CDH12: variants seen among roughly 807,000 people sequenced by gnomAD.
CDH12 encodes cadherin-12.
In CDH12, 41 loss-of-function variants were observed where a neutral mutation model predicts 74.1. The ratio of observed to expected loss-of-function variants is 0.55; its 90% CI spans 0.43 to 0.72. The LOEUF is 0.72. CDH12 is among the 30% of genes least tolerant of loss of function. The probability of loss-of-function intolerance (pLI) is 0.00; values close to 1 mark genes in which losing one functional copy is unlikely to be tolerated. For synonymous variants in CDH12, 399 were observed against 355.0 expected (o/e 1.12, Z -1.39); for missense variants, 945 against 977.2 (o/e 0.97, Z 0.44).
chr5:22,437,217 C>T (rs897962154), intron 2 of CDH12, among the ~76,000 whole-genome samples: 2 of 151,532 alleles, frequency 1.3e-5, no homozygotes, highest in African/African-American at 4.8e-5. Context: ...ACTGTTTTTA[C>T]CTAAATTAAA....
chr5:21,871,594 G>A (rs982602960), intron 6 of CDH12, among the ~76,000 whole-genome samples: 5 of 152,098 alleles, frequency 3.3e-5, no homozygotes, highest in Admixed American at 1.3e-4. Flanking sequence ...TTAGCTGGGC[G>A]TGGTGGCACA....
intron 8 of CDH12, among the ~76,000 whole-genome samples, chr5:21,825,551 C>A (rs62348748): frequency 6.6e-6 from 1 of 151,854 alleles, no homozygotes; most frequent in East Asian, 1.9e-4. Context: ...TAGTTACCCC[C>A]ATCATTTTCT....
chr5:21,874,190 C>T (rs972411637), intron 6 of CDH12, among the ~76,000 whole-genome samples: 5 of 152,090 alleles, frequency 3.3e-5, no homozygotes, highest in Non-Finnish European at 7.4e-5. Context: ...CAAACAACCC[C>T]ATTAAAAAGT....
intron 1 of CDH12, among the ~76,000 whole-genome samples, chr5:22,512,324 G>T (rs548043255): frequency 2.6e-5 from 4 of 152,218 alleles, no homozygotes; most frequent in Admixed American, 6.5e-5. Context: ...CCTGATTCTG[G>T]CATAAAGATA....
intron 6 of CDH12, among the ~76,000 whole-genome samples, chr5:21,885,856 C>T (rs1302214607): frequency 6.6e-6 from 1 of 152,084 alleles, no homozygotes; most frequent in African/African-American, 2.4e-5. Context: ...CACCTTCTTT[C>T]CTTCACTGCT....
intron 2 of CDH12, among the ~76,000 whole-genome samples, chr5:22,473,713 C>T (rs1225700282): frequency 6.6e-6 from 1 of 151,966 alleles, no homozygotes; most frequent in African/African-American, 2.4e-5. Context: ...TTTATCATAG[C>T]CTTTCTAAAT....
chr5:22,519,952 A>G (rs1736977924), intron 1 of CDH12, among the ~76,000 whole-genome samples: 1 of 152,132 alleles, frequency 6.6e-6, no homozygotes, highest in Admixed American at 6.5e-5. Flanking sequence ...GTTCTTATAA[A>G]ATAATAGACT....
At chr5:21,808,059 C>T (rs765357428) in intron 9 of CDH12, among the ~76,000 whole-genome samples, 5 of 152,020 alleles carry the variant, frequency 3.3e-5, no homozygotes, top group Non-Finnish European at 5.9e-5. Flanking sequence ...GGAACTGAAA[C>T]CTGATATTTG....
intron 4 of CDH12, among the ~76,000 whole-genome samples, chr5:22,088,097 T>C (rs1743185419): frequency 6.6e-6 from 1 of 152,294 alleles, no homozygotes. Context: ...AATTTAAAAG[T>C]AGGATGCAAT....
intron 5 of CDH12, among the ~76,000 whole-genome samples, chr5:22,031,185 T>A (rs1478218630): frequency 6.6e-6 from 1 of 151,752 alleles, no homozygotes; most frequent in Non-Finnish European, 1.5e-5. Flanking sequence ...ATAGAAAAAA[T>A]TAGCCAGGCG....
intron 3 of CDH12, among the ~76,000 whole-genome samples, chr5:22,319,514 T>A (rs148919011): frequency 3.3e-5 from 5 of 152,200 alleles, no homozygotes; most frequent in African/African-American, 1.2e-4. Context: ...AGTTTCTCTC[T>A]CACAGGGCCC....
chr5:22,830,622 A>G (rs1187483986), intron 1 of CDH12, among the ~76,000 whole-genome samples: 2 of 151,840 alleles, frequency 1.3e-5, no homozygotes, highest in Admixed American at 1.3e-4. Context: ...ATATATATAC[A>G]TCTTTCTATA....
intron 1 of CDH12, among the ~76,000 whole-genome samples, chr5:22,745,160 A>G (rs2127024531): frequency 6.6e-6 from 1 of 152,158 alleles, no homozygotes. Flanking sequence ...CAGGAAAATC[A>G]CGTCATTCTT....
At chr5:22,410,801 G>T (rs1042548490) in intron 2 of CDH12, among the ~76,000 whole-genome samples, 18 of 152,098 alleles carry the variant, frequency 1.2e-4, no homozygotes, top group African/African-American at 4.3e-4. Flanking sequence ...AAGAGATTTT[G>T]TATGTTAAAT....
chr5:22,705,155 A>ACACG, intron 1 of CDH12, among the ~76,000 whole-genome samples: 1 of 148,380 alleles, frequency 6.7e-6, no homozygotes, highest in African/African-American at 2.5e-5. Flanking sequence ...ACACACACAC[A>ACACG]CACACACAGT....
intron 1 of CDH12, among the ~76,000 whole-genome samples, chr5:22,622,280 A>ACATCCCCTAC (rs760432393): frequency 0.065 from 9,957 of 152,126 alleles, 432 homozygotes; most frequent in East Asian, 0.24. Flanking sequence ...TGCAACCGAG[A>ACATCCCCTAC]GGAACATCCC....
At chr5:22,020,284 T>G in intron 5 of CDH12, among the ~76,000 whole-genome samples, 1 of 152,138 alleles carries the variant, frequency 6.6e-6, no homozygotes, top group East Asian at 1.9e-4. Context: ...CTGGGCGTGG[T>G]GGCTCACACC....
chr5:22,276,799 G>A (rs962974557), intron 3 of CDH12, among the ~76,000 whole-genome samples: 2 of 152,188 alleles, frequency 1.3e-5, no homozygotes, highest in African/African-American at 4.8e-5. Flanking sequence ...CCATGCTCCT[G>A]CCTCAGCCTC....
intron 3 of CDH12, among the ~76,000 whole-genome samples, chr5:22,312,968 C>A (rs1207085664): frequency 6.6e-6 from 1 of 152,220 alleles, no homozygotes; most frequent in East Asian, 1.9e-4. Flanking sequence ...CAATGTTTAA[C>A]AGCACGCTTG....
Sources: gnomAD v4.1 joint callset for allele counts (sites outside exome capture counted in the v4.1 genomes callset) on GRCh38, gnomAD v4.1.1 for gene constraint, MANE v1.5 for transcripts, NCBI Gene and HGNC (gene_info 2026-07-23, HGNC 2026-07-21) for gene names.